JPH3: variants seen among roughly 807,000 people sequenced by gnomAD.
JPH3 encodes junctophilin 3.
In JPH3, 11 loss-of-function variants were observed where a neutral mutation model predicts 59.6. That is an observed-to-expected ratio of 0.18 (90% CI 0.12 to 0.31). The LOEUF (loss-of-function observed/expected upper bound fraction) is 0.31, where lower values mean the gene tolerates loss of function less well. JPH3 is among the 10% of genes least tolerant of loss of function. JPH3 has a pLI of 1.00. For synonymous variants in JPH3, 673 were observed against 483.6 expected (o/e 1.39, Z -5.14); for missense variants, 1,202 against 1,105.7 (o/e 1.09, Z -1.24).
At chr16:87,650,771 G>A (rs1247541544) in intron 2 of JPH3, among the ~76,000 whole-genome samples, 1 of 152,236 alleles carries the variant, frequency 6.6e-6, no homozygotes, top group Non-Finnish European at 1.5e-5. Flanking sequence ...TGAGAGAGGT[G>A]AGGAAGCTGC....
At chr16:87,637,801 G>A (rs553655575) in intron 1 of JPH3, among the ~76,000 whole-genome samples, 1 of 152,306 alleles carries the variant, frequency 6.6e-6, no homozygotes, top group South Asian at 2.1e-4. Flanking sequence ...CCAGATGCTG[G>A]CCTCCTGGGT....
chr16:87,640,500 C>A (rs1295069839), intron 1 of JPH3, among the ~76,000 whole-genome samples: 4 of 151,852 alleles, frequency 2.6e-5, no homozygotes, highest in African/African-American at 9.7e-5. Context: ...AAGTGATCCT[C>A]CTGCCTCAGC....
At position 87,645,053 on chromosome 16, in the gene JPH3, C is replaced by T. The variant is rs145704338; in HGVS notation, c.1160+18C>T. On this transcript the variant is annotated intron_variant, in intron 2 of 4. Transcript: ENST00000284262. ...GCTTCCAGGTAGGAGGGCGAGGGGG[C>T]GGGGGGCCCTTCTTGGTGCCCAGAA... The T allele has an allele frequency of 3.7e-3, 5,816 of 1,587,474 alleles. 19 individuals are homozygous for T. Among genetic ancestry groups the T allele is most frequent in the Non-Finnish European group, 4.6e-3 (5,346 of 1,173,312 alleles).
At position 87,644,421 on chromosome 16, in the gene JPH3, T is replaced by G; in HGVS notation, c.546T>G (p.Ser182=). ...GCACGGCGCTGCATCCCGACGCCTC[T>G]CCGGCGGTGGCCGGCAGCCCGGCCG... The part of the protein sequence containing the change: ...TNGTALHPDA[S]PAVAGSPAVS... Residue 182 remains serine, a synonymous_variant, in exon 2 of 5, where the codon TCT becomes TCG. Coordinates refer to ENST00000284262, the MANE Select transcript of JPH3 (RefSeq NM_020655.4). The G allele has an allele frequency of 1.2e-6, 2 of 1,611,944 alleles. No homozygotes were observed. Among genetic ancestry groups the G allele is most frequent in the Non-Finnish European group, 1.7e-6 (2 of 1,179,414 alleles).
chr16:87,624,325 G>A (rs528826496), intron 1 of JPH3, among the ~76,000 whole-genome samples: 51 of 152,110 alleles, frequency 3.4e-4, no homozygotes, highest in Non-Finnish European at 2.6e-4. Flanking sequence ...CCATTCCCAC[G>A]GCTCCCCACC....
chr16:87,682,392 C>T (rs917775585), intron 2 of JPH3, among the ~76,000 whole-genome samples: 1 of 152,102 alleles, frequency 6.6e-6, no homozygotes, highest in Non-Finnish European at 1.5e-5. Flanking sequence ...CCCCTAGGTG[C>T]AGGTGTTAAT....
At chr16:87,692,352 G>A (rs949747910) in intron 4 of JPH3, among the ~76,000 whole-genome samples, 2 of 152,350 alleles carry the variant, frequency 1.3e-5, no homozygotes, top group South Asian at 2.1e-4. Flanking sequence ...CGTGCCAGCC[G>A]GCATCCATGT....
chr16:87,692,548 T>G (rs927661652), intron 4 of JPH3, among the ~76,000 whole-genome samples: 3 of 152,068 alleles, frequency 2.0e-5, no homozygotes, highest in Non-Finnish European at 4.4e-5. Context: ...CCAGAGGCCC[T>G]GGGTCCCACT....
At chr16:87,652,481 C>G (rs780682702) in intron 2 of JPH3, among the ~76,000 whole-genome samples, 1 of 152,112 alleles carries the variant, frequency 6.6e-6, no homozygotes, top group South Asian at 2.1e-4. Context: ...TTTTCTTTTT[C>G]GTGACAGGGT....
chr16:87,635,191 G>C (rs1257228081), intron 1 of JPH3, among the ~76,000 whole-genome samples: 1 of 152,156 alleles, frequency 6.6e-6, no homozygotes, highest in African/African-American at 2.4e-5. Context: ...CCAGCAAAGC[G>C]TTCACCTTGC....
At chr16:87,693,851 C>T (rs552152245) in intron 4 of JPH3, 2 of 152,248 alleles carry the variant, frequency 1.3e-5, no homozygotes, top group Non-Finnish European at 2.9e-5. Context: ...GGATGTTTCT[C>T]TCACGTTAAC....
chr16:87,696,556 C>T (rs746133906), intron 4 of JPH3, 24 bp from the exon 5 acceptor site: 11 of 1,607,148 alleles, frequency 6.8e-6, no homozygotes, highest in South Asian at 2.2e-5. Flanking sequence ...CTGTCGCTCA[C>T]CTCTTCCCCT....
At chr16:87,675,612 C>A (rs1168460484) in intron 2 of JPH3, among the ~76,000 whole-genome samples, 2 of 152,222 alleles carry the variant, frequency 1.3e-5, no homozygotes, top group South Asian at 2.1e-4. Flanking sequence ...CACACTCCCC[C>A]TCTGGCTTTT....
intron 2 of JPH3, among the ~76,000 whole-genome samples, chr16:87,663,783 G>A (rs1567605467): frequency 1.3e-5 from 2 of 152,306 alleles, no homozygotes; most frequent in East Asian, 3.9e-4. Flanking sequence ...AAGCCCAAGT[G>A]CCGTGTTAAT....
chr16:87,678,396 G>T (rs1346342103), intron 2 of JPH3, among the ~76,000 whole-genome samples: 1 of 151,976 alleles, frequency 6.6e-6, no homozygotes, highest in East Asian at 1.9e-4. Flanking sequence ...AAAATTAGCC[G>T]GGCTTGGTGG....
At chr16:87,635,765 G>C (rs825589) in intron 1 of JPH3, among the ~76,000 whole-genome samples, 102,102 of 151,984 alleles carry the variant, frequency 0.67, 35,011 homozygotes, top group Non-Finnish European at 0.76. Flanking sequence ...TTGTTCCTCA[G>C]CTGGGGTCCA....
intron 1 of JPH3, among the ~76,000 whole-genome samples, chr16:87,637,757 T>TG (rs143123546): frequency 0.015 from 2,206 of 151,974 alleles, 60 homozygotes; most frequent in African/African-American, 0.051. Flanking sequence ...GCAGACTCCC[T>TG]GTGCCCCCGG....
intron 2 of JPH3, among the ~76,000 whole-genome samples, chr16:87,681,027 C>T (rs2033275614): frequency 6.6e-6 from 1 of 152,144 alleles, no homozygotes; most frequent in Non-Finnish European, 1.5e-5. Context: ...GTGAAAGACC[C>T]CGTCCTCTCC....
At chr16:87,604,544 G>C (rs1240722393) in intron 1 of JPH3, 10 of 1,257,442 alleles carry the variant, frequency 8.0e-6, no homozygotes, top group African/African-American at 1.5e-5. Flanking sequence ...CGGGCGGCTC[G>C]CCTGTTTCAG....
Sources: allele counts gnomAD v4.1 joint callset (sites outside exome capture counted in the v4.1 genomes callset), GRCh38; gene constraint gnomAD v4.1.1; transcripts MANE v1.5; gene names NCBI Gene and HGNC (gene_info 2026-07-23, HGNC 2026-07-21).